The following ZSCAN25 variants were observed in gnomAD, a reference collection of about 807,000 sequenced individuals.
ZSCAN25 encodes zinc finger and SCAN domain-containing protein 25.
In ZSCAN25, 27 loss-of-function variants were observed where a neutral mutation model predicts 38.7. The ratio of observed to expected loss-of-function variants is 0.70; its 90% CI spans 0.51 to 0.96. ZSCAN25 has a LOEUF of 0.96. Among genes scored for constraint, ZSCAN25 ranks in the 40% least tolerant of loss-of-function variants. The pLI, the probability that ZSCAN25 is intolerant of heterozygous loss-of-function variation, is 0.00. For missense variants in ZSCAN25, 637 were observed against 705.9 expected (o/e 0.90, Z 1.11); for synonymous variants, 273 against 277.7 (o/e 0.98, Z 0.17).
chr7:99,731,202 A>G, the ZSCAN25 span: 3 of 1,607,568 alleles, frequency 1.9e-6, no homozygotes, highest in Non-Finnish European at 2.6e-6. Context: ...CTTTATAGAT[A>G]TAGGGGCTGG....
At chr7:99,664,072 CTG>C in the ZSCAN25 span, 4 of 1,591,402 alleles carry the variant, frequency 2.5e-6, no homozygotes, top group Non-Finnish European at 2.6e-6. Flanking sequence ...GCTTCAAAAA[CTG>C]GGGTAAGGAA....
the ZSCAN25 span, chr7:99,708,982 T>C: frequency 6.3e-7 from 1 of 1,594,850 alleles, no homozygotes; most frequent in East Asian, 2.2e-5. Flanking sequence ...AGAGGCAGAA[T>C]ATGCTTGAAC....
the ZSCAN25 span, chr7:99,665,368 A>G: frequency 8.6e-5 from 138 of 1,605,100 alleles, no homozygotes; most frequent in Non-Finnish European, 4.0e-5. Context: ...CCGTCCTTCC[A>G]CTATACATGC....
rs2151305693 is a variant in ZSCAN25, at chr7:99,631,962, C to T, written c.*1942C>T. 2 of 985,510 alleles carry T rather than the reference C, an allele frequency of 2.0e-6. 1 individual carries two copies. The highest frequency in any genetic ancestry group is 2.4e-6 in the Non-Finnish European group (2 of 829,976). 61.0% of individuals were successfully genotyped at this position (985,510 alleles called of 1,614,324 possible). On this transcript the variant is annotated 3_prime_UTR_variant, in exon 8 of 8. Coordinates refer to ENST00000394152, the MANE Select transcript of ZSCAN25 (RefSeq NM_145115.3). ...GCCAGGCAGACTCAGTGGGAGGCTT[C>T]TGGCCTGAGTGTGGCCTTCCCCAGA...
At chr7:99,709,355 G>T in the ZSCAN25 span, 1 of 1,525,330 alleles carries the variant, frequency 6.6e-7, no homozygotes, top group Non-Finnish European at 8.9e-7. Flanking sequence ...AGAAGTTCCA[G>T]AGAACAACTC....
At chr7:99,621,120 G>C (rs1057490555) in intron 4 of ZSCAN25, 3 of 332,378 alleles carry the variant, frequency 9.0e-6, no homozygotes, top group Non-Finnish European at 1.6e-5. Flanking sequence ...TTTGGGCTTG[G>C]TGATGGCAGG....
At chr7:99,721,185 C>T in the ZSCAN25 span, among the ~76,000 whole-genome samples, 115,935 of 152,136 alleles carry the variant, frequency 0.76, 47,148 homozygotes, top group Non-Finnish European at 0.91. Context: ...TATTCAGCAT[C>T]TCTTCAAATT....
the ZSCAN25 span, among the ~76,000 whole-genome samples, chr7:99,700,200 A>G: frequency 5.7e-4 from 87 of 152,350 alleles, no homozygotes; most frequent in East Asian, 0.015. Flanking sequence ...AGCTGCAGCC[A>G]GTAGCAAAGA....
At chr7:99,663,910 A>G in the ZSCAN25 span, 1 of 1,536,722 alleles carries the variant, frequency 6.5e-7, no homozygotes, top group Non-Finnish European at 8.7e-7. Flanking sequence ...TATCATGTGT[A>G]TAAAATCTAA....
chr7:99,680,973 G>A, the ZSCAN25 span, among the ~76,000 whole-genome samples: 1 of 152,170 alleles, frequency 6.6e-6, no homozygotes, highest in African/African-American at 2.4e-5. Context: ...CCCAGTACTT[G>A]GGTACAACAC....
the ZSCAN25 span, chr7:99,717,551 G>A: frequency 2.5e-6 from 4 of 1,613,598 alleles, no homozygotes; most frequent in African/African-American, 4.0e-5. Flanking sequence ...GCTGGTGAAT[G>A]TTGGAGACAG....
At chr7:99,717,440 G>A in the ZSCAN25 span, 23 of 1,589,092 alleles carry the variant, frequency 1.4e-5, no homozygotes, top group South Asian at 1.5e-4. Flanking sequence ...ACTACTCCTC[G>A]GAAAGGAACT....
At chr7:99,689,793 TA>T in the ZSCAN25 span, among the ~76,000 whole-genome samples, 727 of 152,218 alleles carry the variant, frequency 4.8e-3, 4 homozygotes, top group African/African-American at 0.016. Flanking sequence ...CTCAATGAAA[TA>T]AAAGAGGATA....
At chr7:99,686,109 T>G in the ZSCAN25 span, among the ~76,000 whole-genome samples, 1 of 152,190 alleles carries the variant, frequency 6.6e-6, no homozygotes, top group African/African-American at 2.4e-5. Flanking sequence ...TTCTGCATTT[T>G]CATCTGAGGT....
chr7:99,646,409 A>G, the ZSCAN25 span, among the ~76,000 whole-genome samples: 1 of 152,186 alleles, frequency 6.6e-6, no homozygotes, highest in Non-Finnish European at 1.5e-5. Context: ...TTGCTGGCAT[A>G]TAGAAGTGCT....
the ZSCAN25 span, among the ~76,000 whole-genome samples, chr7:99,668,777 C>T: frequency 1.6e-4 from 24 of 152,324 alleles, no homozygotes; most frequent in South Asian, 2.9e-3. Context: ...CAGACACTGT[C>T]GCCATTTGTA....
chr7:99,700,281 T>A, the ZSCAN25 span, among the ~76,000 whole-genome samples: 1 of 152,142 alleles, frequency 6.6e-6, no homozygotes, highest in Admixed American at 6.5e-5. Flanking sequence ...ACTTAATCAG[T>A]TTTATCAGGG....
At chr7:99,701,321 A>G in the ZSCAN25 span, among the ~76,000 whole-genome samples, 4 of 152,234 alleles carry the variant, frequency 2.6e-5, no homozygotes, top group African/African-American at 9.6e-5. Context: ...TCCATTGTGC[A>G]TAAGTGAAGT....
chr7:99,642,283 G>A, the ZSCAN25 span, among the ~76,000 whole-genome samples: 1 of 152,224 alleles, frequency 6.6e-6, no homozygotes, highest in South Asian at 2.1e-4. Flanking sequence ...AAATGTGAAG[G>A]CAGTGATGCT....
Sources: gnomAD v4.1 joint callset for allele counts (sites outside exome capture counted in the v4.1 genomes callset) on GRCh38, gnomAD v4.1.1 for gene constraint, MANE v1.5 for transcripts, NCBI Gene and HGNC (gene_info 2026-07-23, HGNC 2026-07-21) for gene names.